Variants in FRMD6 observed in about 807,000 individuals in gnomAD.
The protein encoded by FRMD6 is FERM domain containing 6, also known as FERM domain-containing protein 6.
Under a neutral mutation model 73.2 loss-of-function variants are expected in FRMD6, and 37 were observed. The observed-to-expected ratio is 0.51, with a 90% confidence interval of 0.39 to 0.66. The LOEUF (loss-of-function observed/expected upper bound fraction) is 0.66. Among genes scored for constraint, FRMD6 ranks in the 30% least tolerant of loss-of-function variants. The probability of loss-of-function intolerance (pLI) is 0.00; values close to 1 mark genes in which losing one functional copy is unlikely to be tolerated. For missense variants in FRMD6, 714 were observed against 780.5 expected (o/e 0.91, Z 1.02); for synonymous variants, 273 against 282.2 (o/e 0.97, Z 0.33).
At chr14:51,531,063 G>A (rs529407967) in intron 1 of FRMD6, among the ~76,000 whole-genome samples, 34 of 152,146 alleles carry the variant, frequency 2.2e-4, no homozygotes, top group Non-Finnish European at 4.3e-4. Flanking sequence ...TAAACTAGTG[G>A]CCTCAAGCCC....
At chr14:51,522,561 A>G (rs1387382694) in intron 1 of FRMD6, among the ~76,000 whole-genome samples, 1 of 152,200 alleles carries the variant, frequency 6.6e-6, no homozygotes, top group Non-Finnish European at 1.5e-5. Context: ...CACTTTTAAA[A>G]GAAAGTGCTC....
intron 2 of FRMD6, among the ~76,000 whole-genome samples, chr14:51,603,334 T>C (rs895760785): frequency 6.6e-6 from 1 of 152,228 alleles, no homozygotes; most frequent in Non-Finnish European, 1.5e-5. Context: ...GTTTTAACTC[T>C]TTATACAACA....
At chr14:51,514,826 C>T (rs758598435) in intron 1 of FRMD6, among the ~76,000 whole-genome samples, 27 of 152,082 alleles carry the variant, frequency 1.8e-4, no homozygotes, top group Non-Finnish European at 3.2e-4. Context: ...CCAGCCTGGG[C>T]AACAGAGTGA....
intron 2 of FRMD6, among the ~76,000 whole-genome samples, chr14:51,640,446 C>G (rs1179782484): frequency 6.6e-6 from 1 of 152,168 alleles, no homozygotes; most frequent in Admixed American, 6.5e-5. Flanking sequence ...ATTGGAGATT[C>G]CTGGCCCTGT....
chr14:51,596,694 A>G (rs1478154293), intron 2 of FRMD6, among the ~76,000 whole-genome samples: 1 of 152,146 alleles, frequency 6.6e-6, no homozygotes, highest in Non-Finnish European at 1.5e-5. Flanking sequence ...TGTGAATACC[A>G]CTTGCAATGT....
intron 1 of FRMD6, among the ~76,000 whole-genome samples, chr14:51,551,222 GTTTATTC>G (rs1886811295): frequency 6.6e-6 from 1 of 152,114 alleles, no homozygotes; most frequent in African/African-American, 2.4e-5. Context: ...AATCCAGAAG[GTTTATTC>G]TTGGGGCACT....
chr14:51,487,838 T>C (rs188990321), upstream of FRMD6, among the ~76,000 whole-genome samples: 1 of 152,250 alleles, frequency 6.6e-6, no homozygotes, highest in African/African-American at 2.4e-5. Context: ...ACTGTAGAAA[T>C]GAATGTTAAA....
intron 1 of FRMD6, among the ~76,000 whole-genome samples, chr14:51,492,464 G>A (rs977640778): frequency 4.6e-5 from 7 of 152,130 alleles, no homozygotes; most frequent in East Asian, 1.9e-4. Flanking sequence ...CCTTAGCACC[G>A]AGACCATTGG....
At chr14:51,444,023 G>T in the FRMD6 span, among the ~76,000 whole-genome samples, 2 of 148,916 alleles carry the variant, frequency 1.3e-5, no homozygotes, top group Non-Finnish European at 3.0e-5. Context: ...CCACCTCCCA[G>T]GTTCAAGTGA....
chr14:51,607,482 A>G (rs1034762613), intron 2 of FRMD6, among the ~76,000 whole-genome samples: 5 of 152,302 alleles, frequency 3.3e-5, no homozygotes, highest in African/African-American at 1.2e-4. Flanking sequence ...ACTAGGTTCA[A>G]GTTTCTCAAA....
At chr14:51,568,011 G>A (rs1887872651) in intron 1 of FRMD6, among the ~76,000 whole-genome samples, 1 of 152,224 alleles carries the variant, frequency 6.6e-6, no homozygotes, top group African/African-American at 2.4e-5. Context: ...TTCTAGCCTA[G>A]GCAAGCTAAC....
chr14:51,506,890 T>A (rs1883994790), intron 1 of FRMD6, among the ~76,000 whole-genome samples: 1 of 152,180 alleles, frequency 6.6e-6, no homozygotes, highest in African/African-American at 2.4e-5. Context: ...GGATAATATT[T>A]GTGATGCATC....
chr14:51,665,540 G>T (rs1257324806), intron 1 of FRMD6, among the ~76,000 whole-genome samples: 1 of 152,116 alleles, frequency 6.6e-6, no homozygotes, highest in Non-Finnish European at 1.5e-5. Context: ...GCTGCATGTT[G>T]CTCATGTCAC....
chr14:51,474,614 G>A, the FRMD6 span, among the ~76,000 whole-genome samples: 56 of 152,276 alleles, frequency 3.7e-4, no homozygotes, highest in African/African-American at 1.3e-3. Context: ...AGGGAGAGAG[G>A]AGAGAATGAG....
At chr14:51,433,172 C>T in the FRMD6 span, among the ~76,000 whole-genome samples, 1 of 152,272 alleles carries the variant, frequency 6.6e-6, no homozygotes, top group East Asian at 1.9e-4. Context: ...CTGTTTGACT[C>T]AGAAATCTCA....
At chr14:51,595,855 G>A (rs1336380511) in intron 2 of FRMD6, among the ~76,000 whole-genome samples, 2 of 152,050 alleles carry the variant, frequency 1.3e-5, no homozygotes, top group South Asian at 2.1e-4. Context: ...AACTATTGTC[G>A]ATAATTAATT....
chr14:51,604,459 A>C (rs1890164739), intron 2 of FRMD6, among the ~76,000 whole-genome samples: 1 of 152,206 alleles, frequency 6.6e-6, no homozygotes, highest in South Asian at 2.1e-4. Context: ...ATTTGAAGGA[A>C]TTCACAGCAA....
chr14:51,488,591 A>G (rs747348918), upstream of FRMD6, among the ~76,000 whole-genome samples: 7 of 152,338 alleles, frequency 4.6e-5, no homozygotes, highest in Non-Finnish European at 7.4e-5. Flanking sequence ...TGCTTGCCTT[A>G]TCTTTGAAAT....
chr14:51,611,600 A>T (rs1226643037), intron 2 of FRMD6, among the ~76,000 whole-genome samples: 1 of 152,224 alleles, frequency 6.6e-6, no homozygotes, highest in East Asian at 1.9e-4. Context: ...CAAGGATCCT[A>T]CTAAGACACA....
Sources: gnomAD v4.1 joint callset for allele counts (sites outside exome capture counted in the v4.1 genomes callset) on GRCh38, gnomAD v4.1.1 for gene constraint, MANE v1.5 for transcripts, NCBI Gene and HGNC (gene_info 2026-07-23, HGNC 2026-07-21) for gene names.